Variants in ITPRID1 observed in about 807,000 individuals in gnomAD.
ITPRID1 encodes ITPR interacting domain containing 1, also known as protein ITPRID1.
ITPRID1 carries 96 observed loss-of-function variants against 95.4 expected under a neutral mutation model. The ratio of observed to expected loss-of-function variants is 1.01; its 90% CI spans 0.85 to 1.19. ITPRID1 has a LOEUF of 1.19. Among genes scored for constraint, ITPRID1 ranks in the 50% most tolerant of loss-of-function variants. The pLI, the probability that ITPRID1 is intolerant of heterozygous loss-of-function variation, is 0.00. For missense variants in ITPRID1, 1,339 were observed against 1,252.9 expected, an observed-to-expected ratio of 1.07 and a Z score of -1.04; for synonymous variants, 510 against 453.6, an observed-to-expected ratio of 1.12 and a Z score of -1.58.
At chr7:31,588,156 G>T (rs908918152) in intron 10 of ITPRID1, among the ~76,000 whole-genome samples, 2 of 152,068 alleles carry the variant, frequency 1.3e-5, no homozygotes, top group South Asian at 4.1e-4. Flanking sequence ...ATAAACTCTG[G>T]ACAAAATATT....
intron 1 of ITPRID1, among the ~76,000 whole-genome samples, chr7:31,525,316 C>T (rs1783390071): frequency 6.6e-6 from 1 of 152,162 alleles, no homozygotes; most frequent in South Asian, 2.1e-4. Flanking sequence ...GTCTCAATGT[C>T]ATCAATCTTG....
In ITPRID1 at chr7:31,643,204, G is replaced by A; in HGVS notation, c.1834G>A (p.Val612Ile). The A allele has an allele frequency of 5.0e-6, 8 of 1,613,948 alleles. No homozygotes were observed. Among genetic ancestry groups the A allele is most frequent in the Non-Finnish European group, 6.8e-6 (8 of 1,179,886 alleles). The change falls in exon 12 of 15, where the codon GTT becomes ATT. Residue 612 changes from valine to isoleucine, a missense_variant. Coordinates refer to ENST00000615280, the MANE Select transcript of ITPRID1 (RefSeq NM_001257967.3). ...TCATACTCAAGACAAGTTCCTTCAT[G>A]TTGACTCTGAGGCCCCACGAGAAGA... Reference protein sequence around the residue: ...NDHTQDKFLHVDSEAPREEES... With the variant: ...NDHTQDKFLHIDSEAPREEES...
chr7:31,609,824 C>T (rs865917007), intron 10 of ITPRID1, among the ~76,000 whole-genome samples: 1 of 150,860 alleles, frequency 6.6e-6, no homozygotes, highest in Non-Finnish European at 1.5e-5. Context: ...TTTCATTCTG[C>T]TTGCTTTGCA....
rs138042332 is a variant in ITPRID1, at chr7:31,611,478, C to G, written c.1228+28287C>G. On this transcript the variant is annotated intron_variant, in intron 10 of 14. Coordinates refer to ENST00000615280, the MANE Select transcript of ITPRID1 (RefSeq NM_001257967.3). Reference sequence around the variant, plus strand: ...TTGTTGTCTAGTGTTTTTTCACTCCCACCTGAAGGACTTTCATTAGTTTTT... The same window carrying G: ...TTGTTGTCTAGTGTTTTTTCACTCCGACCTGAAGGACTTTCATTAGTTTTT... Among the ~76,000 whole-genome samples, 717 of 151,826 alleles carry G rather than the reference C, an allele frequency of 4.7e-3. 5 individuals are homozygous for G. Among genetic ancestry groups the G allele is most frequent in the African/African-American group, 0.017 (687 of 41,502 alleles).
At chr7:31,599,687 TC>T (rs1786298769) in intron 10 of ITPRID1, among the ~76,000 whole-genome samples, 4 of 148,116 alleles carry the variant, frequency 2.7e-5, no homozygotes, top group African/African-American at 7.6e-5. Context: ...TCTCTCTCTC[TC>T]TCTCTTTCTT....
intron 10 of ITPRID1, 132 bp from the exon 11 acceptor site, chr7:31,642,044 T>C: frequency 3.9e-6 from 2 of 518,128 alleles, no homozygotes; most frequent in Non-Finnish European, 6.8e-6. Context: ...AATTCCCTCA[T>C]TTGTTTTTTC....
At chr7:31,528,275 T>G (rs1783486133) in intron 1 of ITPRID1, among the ~76,000 whole-genome samples, 1 of 152,218 alleles carries the variant, frequency 6.6e-6, no homozygotes, top group Admixed American at 6.5e-5. Flanking sequence ...TGTATGTGGA[T>G]GAAATTCTAT....
At chr7:31,542,770 C>T (rs1783973375) in intron 1 of ITPRID1, among the ~76,000 whole-genome samples, 1 of 152,030 alleles carries the variant, frequency 6.6e-6, no homozygotes, top group Non-Finnish European at 1.5e-5. Flanking sequence ...TAGTATTTGA[C>T]AGAGATAAGT....
chr7:31,600,317 A>C (rs954210578), intron 10 of ITPRID1, among the ~76,000 whole-genome samples: 5 of 152,218 alleles, frequency 3.3e-5, no homozygotes, highest in Non-Finnish European at 2.9e-5. Flanking sequence ...ACCTGTGTAT[A>C]ACCTCTAGAA....
chr7:31,598,122 A>G (rs1250185721), intron 10 of ITPRID1, among the ~76,000 whole-genome samples: 2 of 152,222 alleles, frequency 1.3e-5, no homozygotes, highest in Non-Finnish European at 1.5e-5. Context: ...GTATAGCAAC[A>G]GTGTAAGTGT....
chr7:31,588,729 A>G (rs1474012888), intron 10 of ITPRID1, among the ~76,000 whole-genome samples: 2 of 152,002 alleles, frequency 1.3e-5, no homozygotes, highest in Non-Finnish European at 2.9e-5. Flanking sequence ...AAATCACAGA[A>G]AGGAGAGAAC....
intron 1 of ITPRID1, among the ~76,000 whole-genome samples, chr7:31,519,156 T>G (rs1278565573): frequency 2.6e-5 from 4 of 152,090 alleles, no homozygotes; most frequent in African/African-American, 4.8e-5. Context: ...CTACACAACA[T>G]GGTAGTGATG....
chr7:31,555,293 C>T (rs955261621), intron 5 of ITPRID1: 1 of 158,006 alleles, frequency 6.3e-6, no homozygotes, highest in Non-Finnish European at 1.4e-5. Context: ...CACTTACATT[C>T]TCTCTTTCTA....
At chr7:31,547,431 G>A (rs2128134891) in intron 1 of ITPRID1, among the ~76,000 whole-genome samples, 1 of 115,102 alleles carries the variant, frequency 8.7e-6, no homozygotes, top group Middle Eastern at 4.6e-3. Context: ...TCCCATGGTG[G>A]CAGCAAGGAG....
At chr7:31,615,218 G>A (rs1787093434) in intron 10 of ITPRID1, among the ~76,000 whole-genome samples, 1 of 152,046 alleles carries the variant, frequency 6.6e-6, no homozygotes, top group Non-Finnish European at 1.5e-5. Flanking sequence ...TGGATATAGG[G>A]CTGACTAGTG....
intron 1 of ITPRID1, among the ~76,000 whole-genome samples, chr7:31,528,740 C>A (rs1391005308): frequency 6.6e-6 from 1 of 152,056 alleles, no homozygotes; most frequent in Non-Finnish European, 1.5e-5. Context: ...GTTGATGAGG[C>A]CTCCTCCCCT....
intron 5 of ITPRID1, among the ~76,000 whole-genome samples, chr7:31,567,215 A>G (rs1162583356): frequency 2.0e-5 from 3 of 152,192 alleles, no homozygotes; most frequent in African/African-American, 7.2e-5. Context: ...TTATTTCCTA[A>G]TAATGGTCAT....
chr7:31,567,037 T>G (rs539818771), intron 5 of ITPRID1, among the ~76,000 whole-genome samples: 2 of 152,310 alleles, frequency 1.3e-5, no homozygotes, highest in African/African-American at 4.8e-5. Flanking sequence ...ATTCCTATGA[T>G]AAAACCTAGT....
intron 10 of ITPRID1, among the ~76,000 whole-genome samples, chr7:31,628,949 C>CA (rs571242312): frequency 6.6e-6 from 1 of 152,050 alleles, no homozygotes; most frequent in Admixed American, 6.5e-5. Context: ...AAAACAAAAA[C>CA]AAAAAAACAT....
Sources: gnomAD v4.1 joint callset for allele counts (sites outside exome capture counted in the v4.1 genomes callset) on GRCh38, gnomAD v4.1.1 for gene constraint, MANE v1.5 for transcripts, NCBI Gene and HGNC (gene_info 2026-07-23, HGNC 2026-07-21) for gene names.